Variants in WWOX observed in about 807,000 individuals in gnomAD.
The protein encoded by WWOX is WW domain containing oxidoreductase, also known as WW domain-containing oxidoreductase.
Under a neutral mutation model 46.2 loss-of-function variants are expected in WWOX, and 69 were observed. The observed-to-expected ratio is 1.49, with a 90% CI of 1.23 to 1.82. The LOEUF (loss-of-function observed/expected upper bound fraction) is 1.82, where lower values mean the gene tolerates loss of function less well. Among genes scored for constraint, WWOX ranks in the 40% most tolerant of loss-of-function variants. WWOX has a pLI of 0.00. For synonymous variants in WWOX, 359 were observed against 202.6 expected, an observed-to-expected ratio of 1.77 and a Z score of -6.56; for missense variants, 919 against 542.6, an observed-to-expected ratio of 1.69 and a Z score of -6.89.
At chr16:78,390,590 G>T (rs796156030) in intron 6 of WWOX, among the ~76,000 whole-genome samples, 3 of 152,300 alleles carry the variant, frequency 2.0e-5, no homozygotes, top group African/African-American at 7.2e-5. Context: ...GCATAAAAAA[G>T]CGAGAGATTT....
intron 5 of WWOX, among the ~76,000 whole-genome samples, chr16:78,233,131 C>G (rs982586010): frequency 1.3e-5 from 2 of 152,210 alleles, no homozygotes; most frequent in African/African-American, 4.8e-5. Context: ...TTAGCTGAAA[C>G]CAGTTCAGGT....
chr16:78,794,758 G>A (rs993374490), intron 8 of WWOX, among the ~76,000 whole-genome samples: 1 of 152,234 alleles, frequency 6.6e-6, no homozygotes, highest in Non-Finnish European at 1.5e-5. Flanking sequence ...TGGAGAAGAT[G>A]GAGACCCATG....
chr16:79,127,921 T>G (rs1434212965), intron 8 of WWOX, among the ~76,000 whole-genome samples: 3 of 152,100 alleles, frequency 2.0e-5, no homozygotes, highest in African/African-American at 7.2e-5. Flanking sequence ...GGGCAGGAAA[T>G]CAGTACAACT....
chr16:78,931,298 A>C (rs563472925), intron 8 of WWOX, among the ~76,000 whole-genome samples: 1 of 152,286 alleles, frequency 6.6e-6, no homozygotes, highest in South Asian at 2.1e-4. Flanking sequence ...AGAAACTCCC[A>C]ATCTGAACGG....
chr16:78,191,189 G>T (rs1170315174), intron 5 of WWOX, among the ~76,000 whole-genome samples: 1 of 152,162 alleles, frequency 6.6e-6, no homozygotes, highest in Non-Finnish European at 1.5e-5. Context: ...AAGCCCGCCA[G>T]CCACACACAC....
intron 8 of WWOX, among the ~76,000 whole-genome samples, chr16:78,876,591 A>G (rs535097474): frequency 6.6e-6 from 1 of 151,386 alleles, no homozygotes; most frequent in South Asian, 2.1e-4. Flanking sequence ...AATGCTTTCG[A>G]CTTATTTTGC....
intron 8 of WWOX, among the ~76,000 whole-genome samples, chr16:78,568,269 A>G (rs991802066): frequency 1.3e-5 from 2 of 152,052 alleles, no homozygotes; most frequent in African/African-American, 4.8e-5. Flanking sequence ...GTACGGGATG[A>G]AGATGAGGGA....
chr16:78,914,783 G>C (rs1388440643), intron 8 of WWOX, among the ~76,000 whole-genome samples: 1 of 151,742 alleles, frequency 6.6e-6, no homozygotes, highest in Admixed American at 6.6e-5. Context: ...GGAGGCTGAG[G>C]CAGGAGAATG....
intron 5 of WWOX, among the ~76,000 whole-genome samples, chr16:78,294,389 C>G (rs1433067803): frequency 2.0e-5 from 3 of 148,098 alleles, no homozygotes; most frequent in Non-Finnish European, 4.5e-5. Flanking sequence ...GGTCTTGCCA[C>G]TGCCTGGAAC....
chr16:79,066,188 C>T (rs1055803997), intron 8 of WWOX, among the ~76,000 whole-genome samples: 2 of 152,200 alleles, frequency 1.3e-5, no homozygotes, highest in African/African-American at 4.8e-5. Flanking sequence ...TCACTCCCCT[C>T]CCTCCACTGT....
chr16:78,606,691 C>T lies in WWOX; in HGVS notation c.1056+173939C>T, dbSNP rs564237859. Among the ~76,000 whole-genome samples the T allele has an allele frequency of 4.1e-5, 6 of 146,164 alleles. No individual in the cohort carries two copies. The South Asian group carries it at 6.5e-4, about 16-fold the overall frequency. On this transcript the variant is annotated intron_variant, in intron 8 of 8. Coordinates refer to ENST00000566780, the MANE Select transcript of WWOX (RefSeq NM_016373.4). ...TGTGAAGCCAGCCCGATTAGGACGA[C>T]TGAAAGGGCATTTCCCCAGAATTGC...
At chr16:78,536,302 A>G (rs1444301876) in intron 8 of WWOX, among the ~76,000 whole-genome samples, 1 of 152,044 alleles carries the variant, frequency 6.6e-6, no homozygotes. Context: ...TGAGTTTCTC[A>G]GCTAAATGAA....
At chr16:78,783,185 G>A (rs1215471350) in intron 8 of WWOX, among the ~76,000 whole-genome samples, 1 of 152,228 alleles carries the variant, frequency 6.6e-6, no homozygotes, top group African/African-American at 2.4e-5. Context: ...TATAATGGCT[G>A]CCTGATAATT....
chr16:78,244,628 A>G (rs1355075374), intron 5 of WWOX, among the ~76,000 whole-genome samples: 8 of 152,194 alleles, frequency 5.3e-5, no homozygotes, highest in African/African-American at 1.7e-4. Flanking sequence ...GCAGTGATCA[A>G]TCAGCAGCAA....
rs1045730437 is a variant in WWOX at position 78,811,093 on chromosome 16, G to A, written c.1056+378341G>A. ...TGCCAGTAAGACAACTCCTCTTCTC[G>A]TCTGGATTTTAGAGGAATGCAGTGA... On this transcript the variant is annotated intron_variant, in intron 8 of 8. Transcript: ENST00000566780. Among the ~76,000 whole-genome samples, 13 of 151,998 alleles carry A rather than the reference G, an allele frequency of 8.6e-5. 1 individual carries two copies. Among genetic ancestry groups the A allele is most frequent in the Non-Finnish European group, 1.6e-4 (11 of 68,014 alleles).
At position 79,021,404 on chromosome 16, in the gene WWOX, G is replaced by C. The variant is rs2550713; in HGVS notation, c.1057-190204G>C. On this transcript the variant is annotated intron_variant, in intron 8 of 8. Transcript: ENST00000566780. ...CCTTGGGCATTTGGTGCCCTTTGCAGAATAATGGTTTTGAATACATAAAAC... is the reference window on the plus strand; with the variant it reads ...CCTTGGGCATTTGGTGCCCTTTGCACAATAATGGTTTTGAATACATAAAAC... 4.5e-3 allele frequency among the ~76,000 whole-genome samples: 692 copies of C among 152,222 alleles called. 3 individuals are homozygous for C. The highest frequency in any genetic ancestry group is 0.016 in the African/African-American group (645 of 41,542).
intron 8 of WWOX, among the ~76,000 whole-genome samples, chr16:79,099,212 C>T (rs1013160661): frequency 6.6e-6 from 1 of 152,110 alleles, no homozygotes; most frequent in African/African-American, 2.4e-5. Flanking sequence ...TCCCCATGAC[C>T]CAAACACCTC....
chr16:78,889,083 A>C (rs1298091498), intron 8 of WWOX, among the ~76,000 whole-genome samples: 5 of 151,742 alleles, frequency 3.3e-5, no homozygotes, highest in Non-Finnish European at 7.4e-5. Flanking sequence ...TTTGAATTCA[A>C]CTCAGAGGTC....
chr16:78,654,980 C>T (rs563918158), intron 8 of WWOX, among the ~76,000 whole-genome samples: 7 of 152,184 alleles, frequency 4.6e-5, no homozygotes, highest in Admixed American at 6.5e-5. Context: ...TTAAAATGAG[C>T]ACCACCACAT....
Sources: allele counts gnomAD v4.1 joint callset (sites outside exome capture counted in the v4.1 genomes callset), GRCh38; gene constraint gnomAD v4.1.1; transcripts MANE v1.5; gene names NCBI Gene and HGNC (gene_info 2026-07-23, HGNC 2026-07-21).